Variants in STXBP5L observed in about 807,000 individuals in gnomAD.
STXBP5L encodes the protein syntaxin binding protein 5L, also known as syntaxin-binding protein 5-like.
Under a neutral mutation model 144.5 loss-of-function variants are expected in STXBP5L, and 65 were observed. That is an observed-to-expected ratio of 0.45 (90% confidence interval 0.37 to 0.55). STXBP5L has a LOEUF of 0.55. STXBP5L is among the 20% of genes least tolerant of loss of function. The pLI, the probability that STXBP5L is intolerant of heterozygous loss-of-function variation, is 0.00. For missense variants in STXBP5L, 1,298 were observed against 1,405.5 expected (o/e 0.92, Z 1.22); for synonymous variants, 505 against 469.6 (o/e 1.08, Z -0.97).
chr3:121,152,516 G>T lies in STXBP5L; in HGVS notation c.709G>T (p.Asp237Tyr). 6.2e-7 allele frequency: 1 copy of T among 1,609,450 alleles called. No homozygotes were observed. ...TGAAAATGGTACTGTAGTATTCTGG[G>T]ACTTGAAATCTAAAAGAGCAGAACT... ...GYENGTVVFW[D>Y]LKSKRAELRV... The change falls in exon 8 of 27, where the codon GAC (aspartate) becomes TAC (tyrosine). Residue 237 changes from aspartate (D) to tyrosine (Y), a missense_variant. Physicochemically the swap from Asp to Tyr is radical, Grantham distance 160 (BLOSUM62 -3). Coordinates refer to ENST00000471454, the MANE Select transcript of STXBP5L (RefSeq NM_001308330.2).
chr3:121,100,794 GA>G (rs1257269396), intron 5 of STXBP5L, among the ~76,000 whole-genome samples: 2 of 146,464 alleles, frequency 1.4e-5, no homozygotes, highest in Non-Finnish European at 3.0e-5. Context: ...ACAATATATC[GA>G]CAAAAAAAAA....
intron 12 of STXBP5L, among the ~76,000 whole-genome samples, chr3:121,238,205 A>C (rs768040625): frequency 6.6e-6 from 1 of 152,086 alleles, no homozygotes; most frequent in Non-Finnish European, 1.5e-5. Context: ...AAAAATGTTT[A>C]TTTTGTTTAC....
chr3:121,034,913 T>C lies in STXBP5L; in HGVS notation c.288-6787T>C, dbSNP rs1490847280. 2.0e-5 allele frequency among the ~76,000 whole-genome samples: 3 copies of C among 152,048 alleles called. No individual in the cohort carries two copies. The South Asian group carries it at 6.2e-4, about 32-fold the overall frequency. ...TTTTTGACTTTCTAATAATAGTCATTCTGACATAAGATGATATCTCATTGT... is the reference window on the plus strand; with the variant it reads ...TTTTTGACTTTCTAATAATAGTCATCCTGACATAAGATGATATCTCATTGT... On this transcript the variant is annotated intron_variant, in intron 3 of 26. Transcript: ENST00000471454.
intron 9 of STXBP5L, among the ~76,000 whole-genome samples, chr3:121,190,234 T>C (rs1478320689): frequency 6.6e-6 from 1 of 152,200 alleles, no homozygotes; most frequent in Non-Finnish European, 1.5e-5. Context: ...CCCTGGGAAC[T>C]AGGGATTAGG....
chr3:121,091,637 G>T (rs925034016), intron 5 of STXBP5L, among the ~76,000 whole-genome samples: 1 of 151,914 alleles, frequency 6.6e-6, no homozygotes, highest in Non-Finnish European at 1.5e-5. Context: ...TTTTTTTCTT[G>T]TAAATTTGTT....
chr3:120,941,949 A>G (rs1160174505), intron 2 of STXBP5L, among the ~76,000 whole-genome samples: 3 of 151,792 alleles, frequency 2.0e-5, no homozygotes, highest in African/African-American at 7.2e-5. Context: ...ATGCTCCTAT[A>G]AGCATTTAAA....
intron 5 of STXBP5L, among the ~76,000 whole-genome samples, chr3:121,057,807 T>A (rs547160239): frequency 6.6e-6 from 1 of 152,044 alleles, no homozygotes; most frequent in Non-Finnish European, 1.5e-5. Flanking sequence ...TTTGGTATAA[T>A]AATAAAAATT....
At chr3:121,390,394 G>T (rs955548128) in intron 22 of STXBP5L, among the ~76,000 whole-genome samples, 13 of 152,080 alleles carry the variant, frequency 8.5e-5, no homozygotes, top group African/African-American at 2.9e-4. Context: ...TACATTTAAG[G>T]TTAATATTGT....
chr3:121,095,623 G>A (rs2043078910), intron 5 of STXBP5L, among the ~76,000 whole-genome samples: 1 of 152,140 alleles, frequency 6.6e-6, no homozygotes, highest in Admixed American at 6.5e-5. Flanking sequence ...TCATGCCATG[G>A]TTTTTAGCTC....
chr3:121,154,011 C>A (rs1180493006), intron 8 of STXBP5L, among the ~76,000 whole-genome samples: 1 of 151,736 alleles, frequency 6.6e-6, no homozygotes, highest in Non-Finnish European at 1.5e-5. Context: ...GAATAACCAG[C>A]TCAAAAGAAA....
intron 19 of STXBP5L, among the ~76,000 whole-genome samples, chr3:121,284,948 G>T (rs1559935381): frequency 6.6e-6 from 1 of 151,946 alleles, no homozygotes; most frequent in African/African-American, 2.4e-5. Flanking sequence ...CCACTCAAAG[G>T]CATATCCTAC....
At chr3:121,248,777 G>A (rs1000940048) in intron 14 of STXBP5L, among the ~76,000 whole-genome samples, 6 of 152,080 alleles carry the variant, frequency 3.9e-5, no homozygotes, top group Non-Finnish European at 7.4e-5. Context: ...AGTAGTTTGA[G>A]GTATTACATT....
intron 3 of STXBP5L, among the ~76,000 whole-genome samples, chr3:120,975,940 G>T (rs1940940321): frequency 6.6e-6 from 1 of 152,142 alleles, no homozygotes; most frequent in South Asian, 2.1e-4. Flanking sequence ...GCTGGATTCT[G>T]TTTGCCAGTA....
In STXBP5L at chr3:121,301,434, G is replaced by T. The variant is rs533505140; in HGVS notation, c.2111-17041G>T. Among the ~76,000 whole-genome samples the T allele has an allele frequency of 9.1e-4, 139 of 152,300 alleles. 2 individuals carry two copies. In the South Asian group the frequency reaches 0.021, roughly 23 times the overall value. ...TTGCTGAAGTTGGTTATCAGCTTAAGGAGATTTTGGGCTGAGATGATGGGG... is the reference window on the plus strand; with the variant it reads ...TTGCTGAAGTTGGTTATCAGCTTAATGAGATTTTGGGCTGAGATGATGGGG... On this transcript the variant is annotated intron_variant, in intron 19 of 26. Coordinates refer to ENST00000471454, the MANE Select transcript of STXBP5L (RefSeq NM_001308330.2).
In STXBP5L at chr3:121,407,589, T is replaced by C. The variant is rs1345910633; in HGVS notation, c.2934T>C (p.His978=). 8 of 1,613,032 alleles carry C rather than the reference T, an allele frequency of 5.0e-6. No homozygotes were observed. The African/African-American group carries it at 8.0e-5, about 16-fold the overall frequency. Residue 978 remains histidine, a synonymous_variant, in exon 23 of 27, where the codon CAT becomes CAC. Coordinates refer to ENST00000471454, the MANE Select transcript of STXBP5L (RefSeq NM_001308330.2). Reference sequence around the variant, plus strand: ...TGGCATGCTTTTGTGCTAACGGACATATCATGATAATGAGGTACTTGCCTT... The same window carrying C: ...TGGCATGCTTTTGTGCTAACGGACACATCATGATAATGAGGTACTTGCCTT... The part of the protein sequence containing the change: ...ACLACFCANG[H]IMIMSLPSLR...
At chr3:121,393,389 C>T (rs890972527) in intron 22 of STXBP5L, among the ~76,000 whole-genome samples, 2 of 152,046 alleles carry the variant, frequency 1.3e-5, no homozygotes, top group Non-Finnish European at 1.5e-5. Flanking sequence ...TGTTTATTCA[C>T]TCTGTTGTTT....
At chr3:120,989,411 T>C (rs1052973613) in intron 3 of STXBP5L, among the ~76,000 whole-genome samples, 2 of 152,212 alleles carry the variant, frequency 1.3e-5, no homozygotes, top group Non-Finnish European at 2.9e-5. Context: ...TTCATATGTT[T>C]ATTCGCAATT....
intron 9 of STXBP5L, among the ~76,000 whole-genome samples, chr3:121,174,341 A>G (rs989256372): frequency 3.3e-5 from 5 of 152,100 alleles, no homozygotes; most frequent in African/African-American, 1.2e-4. Flanking sequence ...CTACATATTC[A>G]TGGCATAGCT....
At chr3:121,267,307 G>T (rs565585189) in intron 18 of STXBP5L, among the ~76,000 whole-genome samples, 7 of 152,318 alleles carry the variant, frequency 4.6e-5, no homozygotes, top group African/African-American at 1.4e-4. Context: ...ACAAGCAATG[G>T]TGAAAGAATT....
Sources: gnomAD v4.1 joint callset for allele counts (sites outside exome capture counted in the v4.1 genomes callset) on GRCh38, gnomAD v4.1.1 for gene constraint, MANE v1.5 for transcripts, NCBI Gene and HGNC (gene_info 2026-07-23, HGNC 2026-07-21) for gene names.